Variants in HK1 observed in about 807,000 individuals in gnomAD.
HK1 encodes the protein hexokinase-1.
Under a neutral mutation model 91.6 loss-of-function variants are expected in HK1, and 28 were observed. The observed-to-expected ratio is 0.31, with a 90% CI of 0.23 to 0.42. The LOEUF (loss-of-function observed/expected upper bound fraction) is 0.42. HK1 is among the 10% of genes least tolerant of loss of function. The probability of loss-of-function intolerance (pLI) is 1.00; values close to 1 mark genes in which losing one functional copy is unlikely to be tolerated. For missense variants in HK1, 770 were observed against 1,219.8 expected, an observed-to-expected ratio of 0.63 and a Z score of 5.49; for synonymous variants, 430 against 468.1, an observed-to-expected ratio of 0.92 and a Z score of 1.05.
At chr10:69,288,706 G>A in exon 3 of HK1, 1 of 1,610,202 alleles carries the variant, frequency 6.2e-7, no homozygotes, top group Non-Finnish European at 8.5e-7. Context: ...TAGAAAAGCA[G>A]AAGAAAGGAC....
At chr10:69,342,021 G>A (rs150511474) in intron 1 of HK1, among the ~76,000 whole-genome samples, 1,764 of 152,146 alleles carry the variant, frequency 0.012, 34 homozygotes, top group African/African-American at 0.04. Context: ...GGTGGCGCAC[G>A]CCTGTAATCC....
At chr10:69,332,113 A>G (rs556629095) in intron 1 of HK1, among the ~76,000 whole-genome samples, 2 of 152,296 alleles carry the variant, frequency 1.3e-5, no homozygotes, top group African/African-American at 4.8e-5. Context: ...TGTGGCTAGT[A>G]GGAAACTTAA....
intron 2 of HK1, among the ~76,000 whole-genome samples, chr10:69,346,645 C>T (rs758575080): frequency 3.3e-5 from 5 of 151,464 alleles, no homozygotes; most frequent in African/African-American, 9.7e-5. Flanking sequence ...GGATTACAGG[C>T]GTGAGCCACC....
At chr10:69,316,720 C>G (rs762693645), upstream of HK1, among the ~76,000 whole-genome samples, 4 of 152,222 alleles carry the variant, frequency 2.6e-5, no homozygotes, top group Non-Finnish European at 4.4e-5. Flanking sequence ...GGTGATGGCA[C>G]CGGCTGGTGG....
Position 69,398,823 on chromosome 10 carries a change from T to A in HK1, c.2604T>A (p.His868Gln). Residue 868 changes from histidine to glutamine, a missense_variant, in exon 17 of 18, where the codon CAT becomes CAA. This residue lies in a region of HK1 where 78 missense variants were observed against 99.0 expected (regional missense o/e 0.79). Coordinates refer to ENST00000359426, the MANE Select transcript of HK1 (RefSeq NM_000188.3). ...TGGACGGGACACTCTACAAGCTTCATCCACAGTGAGTGGGCCTTCCAGTTG... is the reference window on the plus strand; with the variant it reads ...TGGACGGGACACTCTACAAGCTTCAACCACAGTGAGTGGGCCTTCCAGTTG... Reference protein sequence around the residue: ...VGVDGTLYKLHPHFSRIMHQT... With the variant: ...VGVDGTLYKLQPHFSRIMHQT... 3 of 1,608,094 alleles carry A rather than the reference T, an allele frequency of 1.9e-6. No individual in the cohort carries two copies. The highest frequency in any genetic ancestry group is 2.6e-6 in the Non-Finnish European group (3 of 1,174,814).
Position 69,335,095 on chromosome 10 carries a change from C to T in HK1, c.64-8732C>T, listed in dbSNP as rs189554264. Among the ~76,000 whole-genome samples the T allele has an allele frequency of 3.1e-3, 475 of 152,230 alleles. 3 individuals carry two copies. The highest frequency in any genetic ancestry group is 3.4e-3 in the Non-Finnish European group (228 of 68,006). On this transcript the variant is annotated intron_variant, in intron 1 of 17. Transcript: ENST00000359426. ...CCACTAGATCAGGGCTGCCTCCCCT[C>T]GTGGCCATTTCCCTCCCTGCTCAGA...
chr10:69,279,922 A>G (rs1844654348), intron 1 of HK1, among the ~76,000 whole-genome samples: 1 of 152,202 alleles, frequency 6.6e-6, no homozygotes, highest in Non-Finnish European at 1.5e-5. Flanking sequence ...AAAAGCATGT[A>G]TAAGTCCAGG....
At chr10:69,276,090 CAAAAAAAAAAAAAA>C (rs60324656) in intron 1 of HK1, among the ~76,000 whole-genome samples, 7 of 15,938 alleles carry the variant, frequency 4.4e-4, no homozygotes, top group African/African-American at 1.3e-3. Context: ...AACTCCTTTT[CAAAAAAAAAAAAAA>C]AAAAAAAAAA....
intron 1 of HK1, among the ~76,000 whole-genome samples, chr10:69,329,277 C>T (rs958149800): frequency 6.6e-6 from 1 of 152,018 alleles, no homozygotes; most frequent in Non-Finnish European, 1.5e-5. Context: ...ATTCTCCTGC[C>T]TCAGCCTCCC....
chr10:69,297,088 C>G (rs1845601805), intron 4 of HK1, among the ~76,000 whole-genome samples: 9 of 152,154 alleles, frequency 5.9e-5, no homozygotes, highest in Admixed American at 5.9e-4. Context: ...TTTCTACTCC[C>G]CCAAAACCAA....
chr10:69,297,877 C>T (rs1334703642), intron 4 of HK1, among the ~76,000 whole-genome samples: 1 of 126,322 alleles, frequency 7.9e-6, no homozygotes, highest in Non-Finnish European at 1.7e-5. Flanking sequence ...GCTTGGGCCA[C>T]AGAGTGAAAC....
intron 1 of HK1, among the ~76,000 whole-genome samples, chr10:69,325,044 ATTTTTTTTTT>A (rs1046990181): frequency 2.1e-5 from 2 of 93,904 alleles, no homozygotes; most frequent in African/African-American, 4.3e-5. Context: ...AAAAATGTGT[ATTTTTTTTTT>A]TTTTTTTTTT....
At chr10:69,392,994 T>C (rs1839972773) in intron 15 of HK1, among the ~76,000 whole-genome samples, 1 of 152,260 alleles carries the variant, frequency 6.6e-6, no homozygotes, top group South Asian at 2.1e-4. Context: ...TTTTTCTTTT[T>C]GTTTGAGGTG....
intron 1 of HK1, among the ~76,000 whole-genome samples, chr10:69,276,116 A>T (rs370496081): frequency 0.073 from 3,018 of 41,488 alleles, 257 homozygotes; most frequent in East Asian, 0.14. Context: ...AAAAAAAAAA[A>T]AAATACATAT....
chr10:69,318,089 G>T, upstream of HK1: 1 of 985,326 alleles, frequency 1.0e-6, no homozygotes, highest in East Asian at 1.1e-4. Context: ...CCCAGAGGGA[G>T]TGCGCCCTGA....
rs987970685 is a variant in HK1, at chr10:69,380,517, G to A, written c.1265+422G>A. ...TCTGGGTGGAATGTGTCTGTCTCTCGTCCGCATTTCATCAGGAGGACCTTG... is the reference window on the plus strand; with the variant it reads ...TCTGGGTGGAATGTGTCTGTCTCTCATCCGCATTTCATCAGGAGGACCTTG... On this transcript the variant is annotated intron_variant, in intron 9 of 17. Coordinates refer to ENST00000359426, the MANE Select transcript of HK1 (RefSeq NM_000188.3). This position sits in a 1 kb window ranked among gnomAD's most constrained non-coding sequence, Gnocchi z 4.0. 6.6e-6 allele frequency among the ~76,000 whole-genome samples: 1 copy of A among 152,100 alleles called. No homozygotes were observed. Among genetic ancestry groups the A allele is most frequent in the Non-Finnish European group, 1.5e-5 (1 of 68,022 alleles).
chr10:69,278,688 C>G (rs1240212455), intron 1 of HK1: 1 of 152,100 alleles, frequency 6.6e-6, no homozygotes, highest in Admixed American at 6.5e-5. Context: ...CCTCCAGCGA[C>G]TGGAACCCTG....
chr10:69,371,982 C>A (rs909970818), intron 7 of HK1, among the ~76,000 whole-genome samples: 2 of 152,162 alleles, frequency 1.3e-5, no homozygotes, highest in African/African-American at 4.8e-5. Context: ...ATACCCGTAA[C>A]TGGGCAATTT....
At position 69,380,315 on chromosome 10, in the gene HK1, C is replaced by T. The variant is rs140615198; in HGVS notation, c.1265+220C>T. 4.6e-5 allele frequency among the ~76,000 whole-genome samples: 7 copies of T among 152,146 alleles called. No homozygotes were observed. The highest frequency in any genetic ancestry group is 1.3e-4 in the Admixed American group (2 of 15,266). On this transcript the variant is annotated intron_variant, in intron 9 of 17. Coordinates refer to ENST00000359426, the MANE Select transcript of HK1 (RefSeq NM_000188.3). The surrounding 1 kb of genome is among the most constrained non-coding windows in gnomAD (Gnocchi z 4.0). ...GCAACATAGTAAGACCTCATCTTTA[C>T]GAAAAATTGAAAATAAATAAATAGA...
Sources: allele counts gnomAD v4.1 joint callset (sites outside exome capture counted in the v4.1 genomes callset), GRCh38; gene constraint gnomAD v4.1.1; regional missense constraint gnomAD v4.1.1; non-coding constraint Gnocchi (gnomAD v3.1); transcripts MANE v1.5; gene names NCBI Gene and HGNC (gene_info 2026-07-23, HGNC 2026-07-21).